Variants in UVRAG observed in about 807,000 individuals in gnomAD.
UVRAG encodes the protein UV radiation resistance associated.
Under a neutral mutation model 78.0 loss-of-function variants are expected in UVRAG, and 19 were observed. The observed-to-expected ratio is 0.24, with a 90% confidence interval of 0.17 to 0.36. The LOEUF is 0.36. UVRAG is among the 10% of genes least tolerant of loss of function. The pLI is 1.00. For missense variants in UVRAG, 740 were observed against 853.8 expected, an observed-to-expected ratio of 0.87 and a Z score of 1.66; for synonymous variants, 323 against 324.6, an observed-to-expected ratio of 1.00 and a Z score of 0.05.
At chr11:75,990,424 TG>T (rs1949582490) in intron 8 of UVRAG, among the ~76,000 whole-genome samples, 1 of 152,208 alleles carries the variant, frequency 6.6e-6, no homozygotes, top group Non-Finnish European at 1.5e-5. Context: ...TATAATATGA[TG>T]ATCAGATGAG....
chr11:76,125,246 C>T (rs1005716553), intron 14 of UVRAG, among the ~76,000 whole-genome samples: 1 of 152,160 alleles, frequency 6.6e-6, no homozygotes, highest in African/African-American at 2.4e-5. Flanking sequence ...TGCAGGCCGG[C>T]ACCCCTAATA....
chr11:76,116,601 TAGAA>T (rs1489396988), intron 14 of UVRAG, among the ~76,000 whole-genome samples: 1 of 152,222 alleles, frequency 6.6e-6, no homozygotes, highest in Non-Finnish European at 1.5e-5. Flanking sequence ...GGAAGTCTGA[TAGAA>T]AGAAGACATT....
intron 8 of UVRAG, among the ~76,000 whole-genome samples, chr11:76,001,059 G>A (rs923265529): frequency 6.6e-6 from 1 of 152,108 alleles, no homozygotes; most frequent in Admixed American, 6.5e-5. Context: ...TTTCTTTCAA[G>A]TATACATGGA....
chr11:76,021,783 G>C (rs1443192949), intron 12 of UVRAG, among the ~76,000 whole-genome samples: 15 of 152,198 alleles, frequency 9.9e-5, no homozygotes, highest in Non-Finnish European at 1.3e-4. Context: ...GCTGGGCCTA[G>C]TGGCTCATGC....
intron 5 of UVRAG, among the ~76,000 whole-genome samples, chr11:75,889,179 G>T (rs1034446477): frequency 2.6e-5 from 4 of 152,270 alleles, no homozygotes; most frequent in Non-Finnish European, 4.4e-5. Context: ...CTCTTTGGGG[G>T]TTAAGAAAGG....
At chr11:75,817,792 C>T (rs191068133) in intron 1 of UVRAG, among the ~76,000 whole-genome samples, 2 of 151,838 alleles carry the variant, frequency 1.3e-5, no homozygotes, top group East Asian at 3.9e-4. Flanking sequence ...ACCTGTAATC[C>T]TAGCACTTTT....
At chr11:75,830,820 A>G (rs541378228) in intron 1 of UVRAG, among the ~76,000 whole-genome samples, 1 of 152,180 alleles carries the variant, frequency 6.6e-6, no homozygotes, top group African/African-American at 2.4e-5. Flanking sequence ...CTGTTCTACA[A>G]CATTATTAAT....
rs559110320 is a variant in UVRAG, at chr11:76,047,309, A to G, written c.1227-18401A>G. Among the ~76,000 whole-genome samples, 47 of 152,256 alleles carry G rather than the reference A, an allele frequency of 3.1e-4. 1 individual carries two copies. In the South Asian group the frequency reaches 9.3e-3, roughly 30 times the overall value. On this transcript the variant is annotated intron_variant, in intron 12 of 14. Transcript: ENST00000356136. The stretch of plus-strand genomic sequence containing the variant: ...GCTGTGGCCAGTGTTGTCCAATCCC[A>G]CCATCACTGGAAAAGGAGATGTGTT...
Position 76,021,445 on chromosome 11 carries a change from A to G in UVRAG, c.1226+4465A>G, listed in dbSNP as rs148366382. ...AGTCATTCTAGTTAAAGATTTGTCA[A>G]TTTCTTTTCAAAGAAAAGACTTGTG... On this transcript the variant is annotated intron_variant, in intron 12 of 14. Coordinates refer to ENST00000356136, the MANE Select transcript of UVRAG (RefSeq NM_003369.4). Among the ~76,000 whole-genome samples, 674 of 152,056 alleles carry G rather than the reference A, an allele frequency of 4.4e-3. 5 individuals carry two copies. Among genetic ancestry groups the G allele is most frequent in the African/African-American group, 0.016 (648 of 41,458 alleles).
intron 11 of UVRAG, among the ~76,000 whole-genome samples, chr11:76,014,320 G>A (rs1010054337): frequency 3.3e-5 from 5 of 152,158 alleles, no homozygotes; most frequent in African/African-American, 4.8e-5. Flanking sequence ...TTGCTTGAAA[G>A]GCTAATTTAA....
chr11:76,100,678 A>C (rs1014528800), intron 13 of UVRAG, among the ~76,000 whole-genome samples: 1 of 152,008 alleles, frequency 6.6e-6, no homozygotes, highest in African/African-American at 2.4e-5. Context: ...TTGTCACAGG[A>C]GTTTGATGTA....
intron 8 of UVRAG, among the ~76,000 whole-genome samples, chr11:75,999,756 A>G (rs1949776318): frequency 1.3e-5 from 2 of 152,146 alleles, no homozygotes; most frequent in Non-Finnish European, 2.9e-5. Flanking sequence ...AAAATCTGAA[A>G]GCCAAAATAT....
chr11:76,059,088 CATGAT>C (rs1168828129), intron 12 of UVRAG, among the ~76,000 whole-genome samples: 9 of 152,134 alleles, frequency 5.9e-5, no homozygotes, highest in Admixed American at 1.3e-4. Context: ...TGAGAAGTGA[CATGAT>C]AAGAGGTCTT....
At chr11:76,080,755 C>T (rs924731768) in intron 13 of UVRAG, among the ~76,000 whole-genome samples, 5 of 152,124 alleles carry the variant, frequency 3.3e-5, no homozygotes, top group Admixed American at 6.5e-5. Context: ...TTCATTAGCC[C>T]ATAGTCAAAT....
chr11:75,869,853 T>C (rs1000759054), intron 3 of UVRAG, among the ~76,000 whole-genome samples: 6 of 152,250 alleles, frequency 3.9e-5, no homozygotes, highest in Non-Finnish European at 8.8e-5. Flanking sequence ...TTATGAGTTC[T>C]TGGTTGTGTT....
chr11:76,018,098 A>G (rs1421571070), intron 12 of UVRAG, among the ~76,000 whole-genome samples: 1 of 152,144 alleles, frequency 6.6e-6, no homozygotes, highest in African/African-American at 2.4e-5. Flanking sequence ...AAAAAGTAAA[A>G]AGGGTTGAGT....
intron 13 of UVRAG, among the ~76,000 whole-genome samples, chr11:76,100,584 C>T (rs1951862181): frequency 6.6e-6 from 1 of 151,944 alleles, no homozygotes. Context: ...AACAAATTAC[C>T]ACAAATTTAG....
intron 6 of UVRAG, among the ~76,000 whole-genome samples, chr11:75,939,091 G>GTT (rs1005078718): frequency 6.8e-6 from 1 of 146,108 alleles, no homozygotes; most frequent in Non-Finnish European, 1.5e-5. Context: ...TTTTCCTAGG[G>GTT]TTTTTTTTTT....
At chr11:75,920,379 C>G (rs1947954191) in intron 6 of UVRAG, among the ~76,000 whole-genome samples, 1 of 152,038 alleles carries the variant, frequency 6.6e-6, no homozygotes, top group Non-Finnish European at 1.5e-5. Flanking sequence ...TTATGTGCAG[C>G]AGCACATTTT....
Sources: gnomAD v4.1 joint callset for allele counts (sites outside exome capture counted in the v4.1 genomes callset) on GRCh38, gnomAD v4.1.1 for gene constraint, MANE v1.5 for transcripts, NCBI Gene and HGNC (gene_info 2026-07-23, HGNC 2026-07-21) for gene names.